Variants in DLG2 observed in about 807,000 individuals in gnomAD.
The protein encoded by DLG2 is disks large homolog 2.
A neutral mutation model predicts 132.5 loss-of-function variants in DLG2; 45 were observed. The observed-to-expected ratio is 0.34, with a 90% confidence interval of 0.27 to 0.44. DLG2 has a LOEUF of 0.44. Ranked by LOEUF, DLG2 falls within the 20% of genes least tolerant of loss-of-function variation. The pLI is 1.00. For missense variants in DLG2, 1,045 were observed against 1,196.9 expected (o/e 0.87, Z 1.87); for synonymous variants, 424 against 419.6 (o/e 1.01, Z -0.13).
intron 19 of DLG2, among the ~76,000 whole-genome samples, chr11:83,542,726 G>A (rs1471907767): frequency 6.6e-6 from 1 of 152,082 alleles, no homozygotes; most frequent in African/African-American, 2.4e-5. Context: ...GAAACTAGCT[G>A]TCATCATTAA....
chr11:85,218,313 G>C (rs1358299490), intron 4 of DLG2, among the ~76,000 whole-genome samples: 1 of 152,150 alleles, frequency 6.6e-6, no homozygotes, highest in Non-Finnish European at 1.5e-5. Context: ...TCCAGAATTT[G>C]TCCTATGCAA....
chr11:83,585,913 C>T (rs1274559998), intron 19 of DLG2, among the ~76,000 whole-genome samples: 1 of 151,856 alleles, frequency 6.6e-6, no homozygotes, highest in African/African-American at 2.4e-5. Context: ...CTGACAATGC[C>T]TGAAGAAAAA....
intron 7 of DLG2, among the ~76,000 whole-genome samples, chr11:84,378,657 G>A (rs1016987091): frequency 5.9e-5 from 9 of 151,826 alleles, no homozygotes; most frequent in African/African-American, 9.7e-5. Context: ...CAGGCCAGGC[G>A]CGGTGGCTCA....
intron 6 of DLG2, among the ~76,000 whole-genome samples, chr11:84,706,705 A>G (rs1263781146): frequency 1.3e-5 from 2 of 151,714 alleles, no homozygotes; most frequent in African/African-American, 4.8e-5. Flanking sequence ...AGGAGGAAAG[A>G]AGAAAGGAAG....
At chr11:85,020,525 A>T (rs2059960613) in intron 6 of DLG2, among the ~76,000 whole-genome samples, 1 of 152,102 alleles carries the variant, frequency 6.6e-6, no homozygotes, top group Non-Finnish European at 1.5e-5. Flanking sequence ...TTAGTCATGA[A>T]GTCCTTGCCC....
chr11:83,920,586 T>TG lies in DLG2; in HGVS notation c.1496+9741dup, dbSNP rs558029119. Among the ~76,000 whole-genome samples the TG allele has an allele frequency of 7.9e-5, 12 of 152,092 alleles. No individual in the cohort carries two copies. The East Asian group carries it at 1.2e-3, about 15-fold the overall frequency. On this transcript the variant is annotated intron_variant, in intron 15 of 27. Coordinates refer to ENST00000376104, the MANE Select transcript of DLG2 (RefSeq NM_001142699.3). Reference sequence around the variant, plus strand: ...TCTCACCTCAGCCTGAGGTATCTATTGGGGGGGTCACAATACATCATCTCA... The same window carrying TG: ...TCTCACCTCAGCCTGAGGTATCTATTGGGGGGGGTCACAATACATCATCTCA...
chr11:84,584,232 G>A (rs553956968), intron 6 of DLG2, among the ~76,000 whole-genome samples: 24 of 151,952 alleles, frequency 1.6e-4, no homozygotes, highest in Middle Eastern at 6.8e-3. Context: ...AAATGGTATC[G>A]GGCTTAATTT....
At chr11:85,292,327 G>A (rs530060411) in intron 3 of DLG2, among the ~76,000 whole-genome samples, 1 of 152,020 alleles carries the variant, frequency 6.6e-6, no homozygotes, top group South Asian at 2.1e-4. Context: ...AATATTACCT[G>A]GAACTAGAGG....
Position 83,466,734 on chromosome 11 carries a change from T to A in DLG2, c.2703A>T (p.Ile901=), listed in dbSNP as rs756284573. ...VAQLYPIAIF[I]KPRSLEPLME... The stretch of plus-strand genomic sequence containing the variant: ...TAAGAGGTTCCAGAGACCTGGGTTT[T>A]ATGAAGATGGCAATGGGATAGAGCT... The change falls in exon 26 of 28, where the codon ATA becomes ATT. Residue 901 remains isoleucine, a synonymous_variant. Coordinates refer to ENST00000376104, the MANE Select transcript of DLG2 (RefSeq NM_001142699.3). 2.5e-6 allele frequency: 4 copies of A among 1,613,420 alleles called. No individual in the cohort carries two copies. In the Admixed American group the frequency reaches 6.7e-5, roughly 27 times the overall value.
Position 83,789,240 on chromosome 11 carries a change from C to A in DLG2, c.1723-2448G>T, listed in dbSNP as rs112041520. 5.1e-3 allele frequency among the ~76,000 whole-genome samples: 777 copies of A among 152,142 alleles called. 11 individuals carry two copies. The highest frequency in any genetic ancestry group is 0.018 in the African/African-American group (753 of 41,504). The stretch of plus-strand genomic sequence containing the variant: ...ATTAAAAATTCATCTTCAGTGTATA[C>A]GTAAATTCTGTGTTTTATCACACGG... On this transcript the variant is annotated intron_variant, in intron 17 of 27. Coordinates refer to ENST00000376104, the MANE Select transcript of DLG2 (RefSeq NM_001142699.3).
chr11:84,691,072 A>AT (rs917200326), intron 6 of DLG2, among the ~76,000 whole-genome samples: 3 of 151,638 alleles, frequency 2.0e-5, no homozygotes, highest in African/African-American at 7.3e-5. Flanking sequence ...CATCTTTAAC[A>AT]TTTTTTCAAG....
intron 18 of DLG2, among the ~76,000 whole-genome samples, chr11:83,761,135 G>T (rs936453850): frequency 2.0e-5 from 3 of 152,130 alleles, no homozygotes; most frequent in African/African-American, 7.2e-5. Context: ...TTTGGCAAAG[G>T]GACAACACTA....
At chr11:84,090,368 C>T (rs964513327) in intron 10 of DLG2, among the ~76,000 whole-genome samples, 5 of 139,986 alleles carry the variant, frequency 3.6e-5, no homozygotes, top group Admixed American at 2.3e-4. Context: ...GAGCCAAGAT[C>T]GCACCATTGC....
At chr11:85,363,618 G>A (rs1438777199) in intron 3 of DLG2, among the ~76,000 whole-genome samples, 1 of 152,088 alleles carries the variant, frequency 6.6e-6, no homozygotes, top group Non-Finnish European at 1.5e-5. Flanking sequence ...TAAGAGAAAG[G>A]ACCAATTTAA....
At position 84,097,742 on chromosome 11, in the gene DLG2, T is replaced by C. The variant is rs191845225; in HGVS notation, c.749+1181A>G. The stretch of plus-strand genomic sequence containing the variant: ...CAGCAAGAGTTTATTGAGCCAGTTA[T>C]ACATATGTAACTGCTTGGCCTGAGG... On this transcript the variant is annotated intron_variant, in intron 10 of 27. Coordinates refer to ENST00000376104, the MANE Select transcript of DLG2 (RefSeq NM_001142699.3). 1.2e-4 allele frequency among the ~76,000 whole-genome samples: 19 copies of C among 152,324 alleles called. No homozygotes were observed. The East Asian group carries it at 3.7e-3, about 29-fold the overall frequency.
intron 2 of DLG2, among the ~76,000 whole-genome samples, chr11:85,604,770 A>T (rs2080410151): frequency 6.6e-6 from 1 of 152,204 alleles, no homozygotes; most frequent in African/African-American, 2.4e-5. Context: ...ACATAATTAG[A>T]ACTGTAGGTA....
intron 6 of DLG2, among the ~76,000 whole-genome samples, chr11:84,731,760 A>G (rs1284089226): frequency 6.6e-6 from 1 of 152,068 alleles, no homozygotes; most frequent in Non-Finnish European, 1.5e-5. Context: ...AAATATTTTA[A>G]AGCAGATTTA....
intron 5 of DLG2, among the ~76,000 whole-genome samples, chr11:85,131,231 G>A (rs774026957): frequency 3.9e-5 from 6 of 151,908 alleles, no homozygotes; most frequent in African/African-American, 7.3e-5. Context: ...CTTGGATTTC[G>A]GTATTGATTT....
chr11:84,048,535 C>T (rs150411669), intron 11 of DLG2, among the ~76,000 whole-genome samples: 1 of 151,564 alleles, frequency 6.6e-6, no homozygotes, highest in Non-Finnish European at 1.5e-5. Flanking sequence ...AGGACATGAG[C>T]CTGAATAAAA....
Sources: allele counts gnomAD v4.1 joint callset (sites outside exome capture counted in the v4.1 genomes callset), GRCh38; gene constraint gnomAD v4.1.1; transcripts MANE v1.5; gene names NCBI Gene and HGNC (gene_info 2026-07-23, HGNC 2026-07-21).